ADAMTS20: variants seen among roughly 807,000 people sequenced by gnomAD.
ADAMTS20 encodes ADAM metallopeptidase with thrombospondin type 1 motif 20, also known as A disintegrin and metalloproteinase with thrombospondin motifs 20.
ADAMTS20 carries 225 observed loss-of-function variants against 260.1 expected under a neutral mutation model. That is an observed-to-expected ratio of 0.87 (90% CI 0.78 to 0.97). The LOEUF (loss-of-function observed/expected upper bound fraction) is 0.97, where lower values mean the gene tolerates loss of function less well. Ranked by LOEUF, ADAMTS20 falls within the 50% of genes least tolerant of loss-of-function variation. ADAMTS20 has a pLI of 0.00. For missense variants in ADAMTS20, 2,400 were observed against 2,337.7 expected, an observed-to-expected ratio of 1.03 and a Z score of -0.55; for synonymous variants, 802 against 769.5, an observed-to-expected ratio of 1.04 and a Z score of -0.70.
At chr12:43,463,116 C>T (rs866508317) in intron 10 of ADAMTS20, 117 bp from the exon 11 acceptor site, 1 of 587,022 alleles carries the variant, frequency 1.7e-6, no homozygotes, top group African/African-American at 1.9e-5. Context: ...ATGGTATAAG[C>T]TGAAACTAAT....
At position 43,551,963 on chromosome 12, in the gene ADAMTS20, C is replaced by A. The variant is rs779040144; in HGVS notation, c.-42G>T. 3 of 1,563,732 alleles carry A rather than the reference C, an allele frequency of 1.9e-6. No individual in the cohort carries two copies. The highest frequency in any genetic ancestry group is 2.6e-6 in the Non-Finnish European group (3 of 1,137,720). On this transcript the variant is annotated 5_prime_UTR_variant, in exon 1 of 39. Coordinates refer to ENST00000389420, the MANE Select transcript of ADAMTS20 (RefSeq NM_025003.5). The surrounding 1 kb of genome is among the most constrained non-coding windows in gnomAD (Gnocchi z 4.6). Reference sequence around the variant, plus strand: ...CCCCGATCGGGGAGGCCCACCAGAGCCGCCGGCAGCCAAGCCGGCTTCCCT... The same window carrying A: ...CCCCGATCGGGGAGGCCCACCAGAGACGCCGGCAGCCAAGCCGGCTTCCCT...
intron 37 of ADAMTS20, among the ~76,000 whole-genome samples, chr12:43,367,183 C>T (rs1940004835): frequency 6.6e-6 from 1 of 151,776 alleles, no homozygotes; most frequent in Non-Finnish European, 1.5e-5. Flanking sequence ...AAAAACACGT[C>T]CCGCTACATT....
chr12:43,468,531 A>T, intron 8 of ADAMTS20, 69 bp downstream of exon 8: 2 of 970,258 alleles, frequency 2.1e-6, no homozygotes, highest in South Asian at 1.4e-5. Flanking sequence ...TCAACTGAAG[A>T]TAGAATTTCA....
chr12:43,400,034 T>C (rs1171947853), intron 28 of ADAMTS20, among the ~76,000 whole-genome samples: 2 of 152,182 alleles, frequency 1.3e-5, no homozygotes, highest in East Asian at 3.9e-4. Flanking sequence ...AGTAGTAGCA[T>C]CAATCTTACA....
At chr12:43,377,334 G>C in intron 32 of ADAMTS20, 31 bp downstream of exon 32, 1 of 1,560,064 alleles carries the variant, frequency 6.4e-7, no homozygotes, top group Non-Finnish European at 8.7e-7. Context: ...GTCTTATTCA[G>C]AAGTTTTAAA....
chr12:43,446,672 A>G lies in ADAMTS20; in HGVS notation c.2120T>C (p.Ile707Thr), dbSNP rs150093381. 54 of 1,613,318 alleles carry G rather than the reference A, an allele frequency of 3.3e-5. No individual in the cohort carries two copies. Among genetic ancestry groups the G allele is most frequent in the Non-Finnish European group, 4.3e-5 (51 of 1,179,562 alleles). The part of the protein sequence containing the change: ...CDHVLNSSAK[I>T]DKCGVCGGDN... ...CCCACCACACACTCCACATTTGTCT[A>G]TCTTGGCACTGGAGTTTAACACGTG... is the stretch of plus-strand genomic sequence containing the variant. The change falls in exon 15 of 39, where the codon ATA (isoleucine) becomes ACA (threonine). Residue 707 changes from isoleucine (I) to threonine (T), a missense_variant. Ile to Thr is a moderately conservative substitution (Grantham distance 89). Transcript: ENST00000389420.
intron 2 of ADAMTS20, among the ~76,000 whole-genome samples, chr12:43,546,483 A>T (rs1231207357): frequency 1.6e-4 from 25 of 152,150 alleles, no homozygotes; most frequent in Admixed American, 1.6e-3. Context: ...TAATATGAGA[A>T]AAGGGCTACC....
intron 7 of ADAMTS20, among the ~76,000 whole-genome samples, chr12:43,474,179 T>C (rs1942312286): frequency 6.9e-6 from 1 of 144,868 alleles, no homozygotes; most frequent in African/African-American, 2.6e-5. Context: ...CCCACAGAAA[T>C]ACAAACTACC....
rs1367468117 is a variant in ADAMTS20 at position 43,377,532 on chromosome 12, G to T, written c.4828C>A (p.Gln1610Lys). 1 of 1,612,478 alleles carries T rather than the reference G, an allele frequency of 6.2e-7. No homozygotes were observed. Among genetic ancestry groups the T allele is most frequent in the South Asian group, 1.1e-5 (1 of 90,820 alleles). ...ATCTCGGTGCAATATGTAATCCTTT[G>T]TCTGTAACTAAATCCACAGTTGTTT... Reference protein sequence around the residue: ...CANNCGFSYRQRITYCTEIPS... With the variant: ...CANNCGFSYRKRITYCTEIPS... Residue 1610 changes from glutamine (Q) to lysine (K), a missense_variant, in exon 32 of 39, where the codon CAA (glutamine) becomes AAA (lysine). Gln to Lys is a moderately conservative substitution (Grantham distance 53). Coordinates refer to ENST00000389420, the MANE Select transcript of ADAMTS20 (RefSeq NM_025003.5).
chr12:43,431,270 A>G, intron 22 of ADAMTS20, 62 bp downstream of exon 22: 1 of 1,538,352 alleles, frequency 6.5e-7, no homozygotes, highest in South Asian at 1.2e-5. Context: ...TAAATATAAC[A>G]CAACTTTTGT....
Position 43,501,503 on chromosome 12 carries a change from ATG to A in ADAMTS20, c.867+647_867+648del, listed in dbSNP as rs1942766490. Among the ~76,000 whole-genome samples the A allele has an allele frequency of 1.4e-4, 14 of 96,940 alleles. No individual in the cohort carries two copies. The South Asian group carries it at 2.3e-3, about 16-fold the overall frequency. 63.6% of individuals were successfully genotyped at this position (96,940 alleles called of 152,430 possible). On this transcript the variant is annotated intron_variant, in intron 4 of 38. Coordinates refer to ENST00000389420, the MANE Select transcript of ADAMTS20 (RefSeq NM_025003.5). ...CGCGCACACACACACACACACACAC[ATG>A]TAAGGATGAAGCGTGATGCCACTTA...
At chr12:43,464,514 T>C in intron 10 of ADAMTS20, 77 bp downstream of exon 10, 1 of 1,513,114 alleles carries the variant, frequency 6.6e-7, no homozygotes, top group Non-Finnish European at 9.0e-7. Flanking sequence ...TTCAAGAGAA[T>C]AAACACATTT....
At chr12:43,530,221 T>C (rs960572394) in intron 3 of ADAMTS20, among the ~76,000 whole-genome samples, 1 of 152,170 alleles carries the variant, frequency 6.6e-6, no homozygotes, top group Non-Finnish European at 1.5e-5. Flanking sequence ...TGCTTGTGAA[T>C]GCAAAACCTT....
At chr12:43,428,892 C>T (rs2137302219) in intron 24 of ADAMTS20, 93 bp from the exon 25 acceptor site, 1 of 1,225,486 alleles carries the variant, frequency 8.2e-7, no homozygotes, top group East Asian at 2.6e-5. Context: ...TCTAAAACAT[C>T]CAGTTTCTTG....
Position 43,439,638 on chromosome 12 carries a change from A to G in ADAMTS20, c.2577T>C (p.Cys859=). 3.7e-6 allele frequency: 6 copies of G among 1,606,590 alleles called. No homozygotes were observed. The highest frequency in any genetic ancestry group is 5.1e-6 in the Non-Finnish European group (6 of 1,178,068). The change falls in exon 18 of 39, where the codon TGT becomes TGC. Residue 859 remains cysteine, a synonymous_variant. Transcript: ENST00000389420. ...CCAGCGTACCTTGACACATTTTGGT[A>G]CAGCCTTCCCATGGTCCATAGGGGT... ...TWDPYGPWEG[C]TKMCQGLQRR... is the part of the protein sequence containing the mutation.
chr12:43,467,925 AC>A (rs1461323757), intron 8 of ADAMTS20, among the ~76,000 whole-genome samples: 2 of 152,134 alleles, frequency 1.3e-5, no homozygotes, highest in Non-Finnish European at 2.9e-5. Context: ...TAACAAAGAA[AC>A]ACCAGGAGTT....
At chr12:43,371,689 GC>G (rs1940110583) in intron 36 of ADAMTS20, among the ~76,000 whole-genome samples, 1 of 152,160 alleles carries the variant, frequency 6.6e-6, no homozygotes, top group Admixed American at 6.5e-5. Flanking sequence ...ATGGGGGCAT[GC>G]CTGGTGTGTT....
At chr12:43,516,840 C>A (rs951611253) in intron 3 of ADAMTS20, among the ~76,000 whole-genome samples, 1 of 151,668 alleles carries the variant, frequency 6.6e-6, no homozygotes, top group African/African-American at 2.4e-5. Flanking sequence ...AACATAGATG[C>A]AAAAATTCTA....
At chr12:43,450,526 A>T (rs1185703864) in intron 14 of ADAMTS20, among the ~76,000 whole-genome samples, 1 of 152,168 alleles carries the variant, frequency 6.6e-6, no homozygotes, top group Non-Finnish European at 1.5e-5. Context: ...GCCACTGAAT[A>T]ACCTTTTCAG....
Sources: gnomAD v4.1 joint callset for allele counts (sites outside exome capture counted in the v4.1 genomes callset) on GRCh38, gnomAD v4.1.1 for gene constraint, Gnocchi (gnomAD v3.1) non-coding constraint, MANE v1.5 for transcripts, NCBI Gene and HGNC (gene_info 2026-07-23, HGNC 2026-07-21) for gene names.